The following TECRL variants were observed in gnomAD, a reference collection of about 807,000 sequenced individuals.
TECRL encodes trans-2,3-enoyl-CoA reductase-like.
TECRL carries 63 observed loss-of-function variants against 52.8 expected under a neutral mutation model. The ratio of observed to expected loss-of-function variants is 1.19; its 90% confidence interval spans 0.97 to 1.47. The LOEUF is 1.47. Among genes scored for constraint, TECRL ranks in the 40% most tolerant of loss-of-function variants. The pLI is 0.00. For synonymous variants in TECRL, 164 were observed against 141.9 expected, an observed-to-expected ratio of 1.16 and a Z score of -1.10; for missense variants, 482 against 429.6, an observed-to-expected ratio of 1.12 and a Z score of -1.08.
intron 5 of TECRL, among the ~76,000 whole-genome samples, chr4:64,313,179 C>T (rs576343969): frequency 2.6e-5 from 4 of 152,096 alleles, no homozygotes; most frequent in African/African-American, 9.6e-5. Context: ...AAACTTGATT[C>T]GAGGTAAGAA....
chr4:64,389,175 A>T (rs576042304), intron 1 of TECRL, among the ~76,000 whole-genome samples: 62 of 152,076 alleles, frequency 4.1e-4, no homozygotes, highest in African/African-American at 1.4e-3. Context: ...GGTGAGACTA[A>T]ACATCCTTTC....
chr4:64,366,741 AC>A (rs1721622345), intron 2 of TECRL, among the ~76,000 whole-genome samples: 1 of 152,170 alleles, frequency 6.6e-6, no homozygotes, highest in Non-Finnish European at 1.5e-5. Context: ...TTAAAAAGTC[AC>A]CATATAACAG....
intron 2 of TECRL, among the ~76,000 whole-genome samples, chr4:64,337,722 G>A (rs1257491270): frequency 2.0e-5 from 3 of 152,098 alleles, no homozygotes; most frequent in Admixed American, 6.5e-5. Context: ...ACTTACAAGG[G>A]ATATGAAGGA....
chr4:64,354,579 G>C (rs1265032277), intron 2 of TECRL, among the ~76,000 whole-genome samples: 1 of 152,134 alleles, frequency 6.6e-6, no homozygotes, highest in Non-Finnish European at 1.5e-5. Context: ...TTCGCTGGAG[G>C]GGCATGATTG....
intron 2 of TECRL, among the ~76,000 whole-genome samples, chr4:64,371,947 G>T (rs540686919): frequency 6.6e-6 from 1 of 151,872 alleles, no homozygotes; most frequent in East Asian, 1.9e-4. Context: ...GTATTACTCT[G>T]CTAGAATAAA....
chr4:64,308,145 T>C (rs1724447794), intron 6 of TECRL, among the ~76,000 whole-genome samples: 3 of 152,184 alleles, frequency 2.0e-5, no homozygotes, highest in Admixed American at 2.0e-4. Context: ...AGGGGCTGAT[T>C]AGGCAGATAG....
chr4:64,400,733 T>C (rs1724296511), intron 1 of TECRL, among the ~76,000 whole-genome samples: 1 of 152,104 alleles, frequency 6.6e-6, no homozygotes, highest in African/African-American at 2.4e-5. Flanking sequence ...TCTCTTCCTC[T>C]TTTCTCCTGC....
chr4:64,314,800 A>ACATC, intron 4 of TECRL, 37 bp from the exon 5 acceptor site: 4 of 1,446,226 alleles, frequency 2.8e-6, no homozygotes, highest in Non-Finnish European at 3.9e-6. Flanking sequence ...AACGATAAAA[A>ACATC]TAGATGTTTT....
At chr4:64,383,746 C>A (rs964909146) in intron 1 of TECRL, among the ~76,000 whole-genome samples, 1 of 151,842 alleles carries the variant, frequency 6.6e-6, no homozygotes, top group Non-Finnish European at 1.5e-5. Flanking sequence ...ATTTCTTTTT[C>A]ATTGAGATCT....
At chr4:64,335,070 A>T (rs1718958033) in intron 2 of TECRL, among the ~76,000 whole-genome samples, 1 of 152,298 alleles carries the variant, frequency 6.6e-6, no homozygotes, top group Middle Eastern at 3.4e-3. Context: ...ATACCTTCTC[A>T]GATTTTCCAA....
intron 1 of TECRL, among the ~76,000 whole-genome samples, chr4:64,405,665 AG>A (rs1399334827): frequency 6.6e-6 from 1 of 152,168 alleles, no homozygotes; most frequent in East Asian, 1.9e-4. Context: ...AGACATCACT[AG>A]GAAGTTTTTT....
At chr4:64,324,826 G>A (rs2110036258) in intron 3 of TECRL, among the ~76,000 whole-genome samples, 1 of 152,214 alleles carries the variant, frequency 6.6e-6, no homozygotes, top group Admixed American at 6.5e-5. Context: ...AAATGTGAAT[G>A]TAGTCCTGTG....
At chr4:64,310,075 T>G (rs1194137713) in intron 5 of TECRL, 144 bp from the exon 6 acceptor site, 1 of 535,410 alleles carries the variant, frequency 1.9e-6, no homozygotes, top group African/African-American at 2.0e-5. Flanking sequence ...AATACTTGCT[T>G]TAATATTTTA....
intron 9 of TECRL, among the ~76,000 whole-genome samples, chr4:64,283,426 TGGTA>T (rs1205958017): frequency 1.3e-5 from 2 of 152,030 alleles, no homozygotes; most frequent in African/African-American, 4.8e-5. Flanking sequence ...CCATAGCTGA[TGGTA>T]GGTTCAGACA....
Position 64,278,224 on chromosome 4 carries a change from T to G in TECRL, c.*1848A>C, listed in dbSNP as rs7664388. The stretch of plus-strand genomic sequence containing the variant: ...ACAGAAAATATTTTAATTGTAAATT[T>G]CAGTATGATAACATACAATGTCTGT... On this transcript the variant is annotated 3_prime_UTR_variant, in exon 12 of 12. Transcript: ENST00000381210. The G allele has an allele frequency of 0.66, 99,453 of 151,388 alleles. 35,210 individuals are homozygous for G. Among genetic ancestry groups the G allele is most frequent in the Non-Finnish European group, 0.79 (53,391 of 67,662 alleles). The allele number at this position is 151,388 out of a possible 1,614,324, so 9.4% of individuals were successfully genotyped here.
chr4:64,402,782 A>C (rs914992882), intron 1 of TECRL, among the ~76,000 whole-genome samples: 2 of 152,132 alleles, frequency 1.3e-5, no homozygotes, highest in Non-Finnish European at 2.9e-5. Context: ...AAGTTGAAAA[A>C]TGAAGGGTAA....
At chr4:64,341,029 C>G (rs190729636) in intron 2 of TECRL, among the ~76,000 whole-genome samples, 1 of 152,218 alleles carries the variant, frequency 6.6e-6, no homozygotes, top group Admixed American at 6.5e-5. Flanking sequence ...AGGACCTCCT[C>G]TCTGCTGAGA....
At chr4:64,352,047 T>C (rs1036044637) in intron 2 of TECRL, among the ~76,000 whole-genome samples, 3 of 152,212 alleles carry the variant, frequency 2.0e-5, no homozygotes, top group African/African-American at 7.2e-5. Context: ...CATTTTCCAA[T>C]TCTTAAGTTA....
chr4:64,374,388 G>A (rs1021042323), intron 2 of TECRL, among the ~76,000 whole-genome samples: 1 of 148,944 alleles, frequency 6.7e-6, no homozygotes, highest in Non-Finnish European at 1.5e-5. Context: ...CTTTTTTAAT[G>A]TTTTCTTTTT....
Sources: gnomAD v4.1 joint callset for allele counts (sites outside exome capture counted in the v4.1 genomes callset) on GRCh38, gnomAD v4.1.1 for gene constraint, MANE v1.5 for transcripts, NCBI Gene and HGNC (gene_info 2026-07-23, HGNC 2026-07-21) for gene names.